ACOT1: variants seen among roughly 807,000 people sequenced by gnomAD.
ACOT1 encodes acyl-CoA thioesterase 1.
ACOT1 carries 8 observed loss-of-function variants against 15.7 expected under a neutral mutation model. The ratio of observed to expected loss-of-function variants is 0.51; its 90% CI spans 0.30 to 0.92. The LOEUF (loss-of-function observed/expected upper bound fraction) is 0.92. Among genes scored for constraint, ACOT1 ranks in the 40% least tolerant of loss-of-function variants. The pLI, the probability that ACOT1 is intolerant of heterozygous loss-of-function variation, is 0.06. For missense variants in ACOT1, 151 were observed against 539.4 expected (o/e 0.28, Z 7.13); for synonymous variants, 67 against 241.2 (o/e 0.28, Z 6.69).
the ACOT1 span, chr14:73,514,077 C>A: frequency 6.2e-7 from 1 of 1,614,194 alleles, no homozygotes; most frequent in Non-Finnish European, 8.5e-7. Flanking sequence ...TCCGCAGGAC[C>A]ACCAGTTCCC....
the ACOT1 span, chr14:73,491,063 C>T: frequency 1.2e-5 from 19 of 1,593,208 alleles, no homozygotes; most frequent in Admixed American, 1.7e-5. Context: ...GCGCGGGCGG[C>T]CGAAGCGCCG....
chr14:73,510,044 G>C, the ACOT1 span, among the ~76,000 whole-genome samples: 1 of 149,964 alleles, frequency 6.7e-6, no homozygotes, highest in Non-Finnish European at 1.5e-5. Flanking sequence ...AGTATTCTTA[G>C]TAGAGATGGG....
chr14:73,492,438 G>A, the ACOT1 span: 2 of 1,613,852 alleles, frequency 1.2e-6, no homozygotes, highest in Non-Finnish European at 1.7e-6. The surrounding 1 kb of genome is among the most constrained non-coding windows in gnomAD (Gnocchi z 4.9). Flanking sequence ...GATCCGCGAA[G>A]AACCGCTTTC....
At position 73,538,021 on chromosome 14, in the gene ACOT1, C is replaced by T; in HGVS notation, c.457+143C>T. On this transcript the variant is annotated intron_variant, in intron 1 of 2. Coordinates refer to ENST00000311148, the MANE Select transcript of ACOT1 (RefSeq NM_001037161.2). ...TCCTCCCGCCCCACCACCACCACCC[C>T]GGGCTATGTTGCCCAGGTAGGTCTT... 9.2e-6 allele frequency: 7 copies of T among 765,020 alleles called. 1 individual carries two copies. The highest frequency in any genetic ancestry group is 1.1e-5 in the Non-Finnish European group (6 of 567,814). 47.4% of individuals were successfully genotyped at this position (765,020 alleles called of 1,614,324 possible).
chr14:73,519,581 C>T, the ACOT1 span, among the ~76,000 whole-genome samples: 1 of 151,822 alleles, frequency 6.6e-6, no homozygotes, highest in Non-Finnish European at 1.5e-5. Flanking sequence ...CCCGTCTCTA[C>T]AAAAAATACA....
At chr14:73,493,239 C>T in the ACOT1 span, 2 of 799,274 alleles carry the variant, frequency 2.5e-6, no homozygotes, top group Non-Finnish European at 4.2e-6. Flanking sequence ...GTAACACTGA[C>T]CATGTCGTTC....
At chr14:73,522,017 G>T in the ACOT1 span, among the ~76,000 whole-genome samples, 4 of 152,340 alleles carry the variant, frequency 2.6e-5, no homozygotes, top group East Asian at 7.7e-4. Context: ...GCTCTGGTGG[G>T]TATGAGCCAG....
At chr14:73,504,897 T>C in the ACOT1 span, among the ~76,000 whole-genome samples, 1 of 152,030 alleles carries the variant, frequency 6.6e-6, no homozygotes, top group Non-Finnish European at 1.5e-5. Context: ...ATTCCCTCTT[T>C]AGTTCTAGCT....
the ACOT1 span, among the ~76,000 whole-genome samples, chr14:73,506,234 T>C: frequency 1.3e-5 from 2 of 152,164 alleles, no homozygotes; most frequent in East Asian, 1.9e-4. Context: ...TGCTATTTCA[T>C]TGTGGATCAG....
Position 73,541,736 on chromosome 14 carries a change from G to A in ACOT1, c.660+41G>A, listed in dbSNP as rs371573983. On this transcript the variant is annotated intron_variant, in intron 2 of 2. Coordinates refer to ENST00000311148, the MANE Select transcript of ACOT1 (RefSeq NM_001037161.2). ...AGATTTATGGGCTATGATGTATCAGGTCTCTTCTTAAATGGTCTGGGTTTT... is the reference window on the plus strand; with the variant it reads ...AGATTTATGGGCTATGATGTATCAGATCTCTTCTTAAATGGTCTGGGTTTT... The A allele has an allele frequency of 6.5e-5, 78 of 1,200,580 alleles. 20 individuals carry two copies. The African/African-American group carries it at 1.2e-3, about 18-fold the overall frequency. 74.4% of individuals were successfully genotyped at this position (1,200,580 alleles called of 1,614,324 possible). A position where few individuals can be genotyped will look rare whatever the true frequency, so the allele number is the denominator to read the frequency against.
chr14:73,494,295 C>T, the ACOT1 span, among the ~76,000 whole-genome samples: 1 of 152,154 alleles, frequency 6.6e-6, no homozygotes, highest in Non-Finnish European at 1.5e-5. Context: ...GCTGAGTGAC[C>T]TGAGGCTGAT....
chr14:73,524,067 G>A, the ACOT1 span, among the ~76,000 whole-genome samples: 8 of 151,794 alleles, frequency 5.3e-5, no homozygotes, highest in East Asian at 1.4e-3. Flanking sequence ...GAGGTGGGTG[G>A]GTCACCTGAG....
chr14:73,519,267 T>A, the ACOT1 span: 1 of 1,194,150 alleles, frequency 8.4e-7, no homozygotes, highest in African/African-American at 1.5e-5. Flanking sequence ...TTTGCCCTAA[T>A]CTAAGCCCCT....
the ACOT1 span, chr14:73,513,914 C>T: frequency 9.4e-7 from 1 of 1,058,646 alleles, no homozygotes; most frequent in South Asian, 1.4e-5. Context: ...AATGAGGCAA[C>T]CAGATTTTTA....
At chr14:73,512,473 A>G in the ACOT1 span, among the ~76,000 whole-genome samples, 1 of 152,190 alleles carries the variant, frequency 6.6e-6, no homozygotes, top group Non-Finnish European at 1.5e-5. Context: ...GTTTTCAGAC[A>G]TACCTGGTTT....
chr14:73,502,539 C>T, the ACOT1 span, among the ~76,000 whole-genome samples: 3 of 151,870 alleles, frequency 2.0e-5, no homozygotes, highest in Non-Finnish European at 2.9e-5. Flanking sequence ...TGGCTGGATC[C>T]CAGGCCTCCT....
chr14:73,532,799 CA>C (rs1355460741), upstream of ACOT1, among the ~76,000 whole-genome samples: 1 of 111,630 alleles, frequency 9.0e-6, no homozygotes. Context: ...CTAAAACATA[CA>C]AAAAAATTAG....
chr14:73,540,645 G>A (rs1232019990), intron 1 of ACOT1, among the ~76,000 whole-genome samples: 6 of 118,114 alleles, frequency 5.1e-5, no homozygotes, highest in African/African-American at 1.8e-4. Context: ...ATACTGGAAA[G>A]AGAGGAAAGG....
the ACOT1 span, among the ~76,000 whole-genome samples, chr14:73,525,877 T>C: frequency 1.0e-3 from 154 of 151,376 alleles, no homozygotes; most frequent in Non-Finnish European, 2.0e-3. Context: ...TGCTTGAACC[T>C]GGGAAGCAGA....
Sources: gnomAD v4.1 joint callset for allele counts (sites outside exome capture counted in the v4.1 genomes callset) on GRCh38, gnomAD v4.1.1 for gene constraint, Gnocchi (gnomAD v3.1) non-coding constraint, MANE v1.5 for transcripts, NCBI Gene and HGNC (gene_info 2026-07-23, HGNC 2026-07-21) for gene names.